Variants in DIP2C observed in about 807,000 individuals in gnomAD.
The protein encoded by DIP2C is disco-interacting protein 2 homolog C.
DIP2C carries 33 observed loss-of-function variants against 192.4 expected under a neutral mutation model. That is an observed-to-expected ratio of 0.17 (90% confidence interval 0.13 to 0.23). The LOEUF is 0.23. Among genes scored for constraint, DIP2C ranks in the 10% least tolerant of loss-of-function variants. The probability of loss-of-function intolerance (pLI) is 1.00; values close to 1 mark genes in which losing one functional copy is unlikely to be tolerated. For missense variants in DIP2C, 1,537 were observed against 2,110.1 expected, an observed-to-expected ratio of 0.73 and a Z score of 5.32; for synonymous variants, 979 against 864.1, an observed-to-expected ratio of 1.13 and a Z score of -2.33.
chr10:517,438 C>T (rs61831009), intron 1 of DIP2C, among the ~76,000 whole-genome samples: 12,646 of 152,192 alleles, frequency 0.083, 641 homozygotes, highest in East Asian at 0.18. Context: ...CCCGACGCTC[C>T]GCCCCACACT....
chr10:415,920 C>T (rs770732102), intron 6 of DIP2C, 32 bp from the exon 7 acceptor site: 25 of 1,612,606 alleles, frequency 1.6e-5, no homozygotes, highest in East Asian at 2.2e-5. Context: ...GTGGGGAAAG[C>T]GATCATCACA....
At chr10:538,778 A>G (rs1462317416) in intron 1 of DIP2C, among the ~76,000 whole-genome samples, 1 of 152,224 alleles carries the variant, frequency 6.6e-6, no homozygotes, top group African/African-American at 2.4e-5. Flanking sequence ...GTACCTATTA[A>G]TACTATCACA....
At chr10:610,254 C>T (rs1852991642) in intron 1 of DIP2C, among the ~76,000 whole-genome samples, 1 of 152,200 alleles carries the variant, frequency 6.6e-6, no homozygotes, top group Non-Finnish European at 1.5e-5. Context: ...TGAGCAGGAG[C>T]TGACAGCAGA....
At chr10:426,705 G>A (rs916466419) in intron 4 of DIP2C, among the ~76,000 whole-genome samples, 4 of 152,120 alleles carry the variant, frequency 2.6e-5, no homozygotes, top group Admixed American at 6.5e-5. Flanking sequence ...TTATATTTAC[G>A]GTCAATTTAT....
intron 1 of DIP2C, chr10:668,869 T>C (rs906534732): frequency 6.6e-6 from 1 of 152,236 alleles, no homozygotes; most frequent in African/African-American, 2.4e-5. Context: ...AACCCTTTTT[T>C]CATTTTACAC....
At chr10:515,641 C>G (rs973649261) in intron 1 of DIP2C, among the ~76,000 whole-genome samples, 15 of 152,138 alleles carry the variant, frequency 9.9e-5, no homozygotes, top group Admixed American at 6.6e-5. Flanking sequence ...GAAGAACTGC[C>G]TGAACCCGGG....
At chr10:590,835 G>C (rs532308327) in intron 1 of DIP2C, among the ~76,000 whole-genome samples, 1 of 149,162 alleles carries the variant, frequency 6.7e-6, no homozygotes, top group Non-Finnish European at 1.5e-5. Context: ...CACCGCACCA[G>C]AGCCTGCGAG....
At chr10:533,626 G>A (rs1371932077) in intron 1 of DIP2C, among the ~76,000 whole-genome samples, 2 of 146,788 alleles carry the variant, frequency 1.4e-5, no homozygotes, top group Non-Finnish European at 3.0e-5. Flanking sequence ...GCCTCCCCAT[G>A]CTCTTCCTAA....
At chr10:404,387 T>G (rs1964658637) in intron 9 of DIP2C, among the ~76,000 whole-genome samples, 1 of 152,166 alleles carries the variant, frequency 6.6e-6, no homozygotes, top group Non-Finnish European at 1.5e-5. Flanking sequence ...TTTTTTCTAT[T>G]TTTTGTAGAT....
intron 10 of DIP2C, among the ~76,000 whole-genome samples, chr10:394,758 G>A (rs1457126194): frequency 6.9e-6 from 1 of 145,266 alleles, no homozygotes; most frequent in East Asian, 2.1e-4. Flanking sequence ...AGGGAAGCCT[G>A]CCACATGCTG....
chr10:350,813 A>G (rs1024103529), intron 24 of DIP2C, among the ~76,000 whole-genome samples: 7 of 151,704 alleles, frequency 4.6e-5, no homozygotes, highest in Non-Finnish European at 8.8e-5. Context: ...CGCCCAACTA[A>G]TTTTTGTATT....
intron 1 of DIP2C, among the ~76,000 whole-genome samples, chr10:558,013 A>G (rs570171729): frequency 1.3e-5 from 2 of 152,258 alleles, no homozygotes; most frequent in African/African-American, 4.8e-5. Context: ...GACAGGGCGG[A>G]CACATGACAG....
chr10:459,867 T>A (rs977869521), intron 3 of DIP2C, among the ~76,000 whole-genome samples: 11 of 144,892 alleles, frequency 7.6e-5, no homozygotes, highest in African/African-American at 2.2e-4. Context: ...CCTCTCACAG[T>A]CACATCAGGG....
At chr10:597,253 GC>G (rs1851764543) in intron 1 of DIP2C, among the ~76,000 whole-genome samples, 1 of 152,314 alleles carries the variant, frequency 6.6e-6, no homozygotes, top group South Asian at 2.1e-4. Flanking sequence ...CGCTTCTCAA[GC>G]CTTTGAGCCA....
chr10:537,558 G>GC (rs561807032), intron 1 of DIP2C, among the ~76,000 whole-genome samples: 37 of 148,364 alleles, frequency 2.5e-4, no homozygotes, highest in East Asian at 6.0e-4. Flanking sequence ...CCAGCATCCT[G>GC]CCCCCCGTCC....
At chr10:423,722 G>A (rs186573874) in intron 4 of DIP2C, among the ~76,000 whole-genome samples, 7 of 151,504 alleles carry the variant, frequency 4.6e-5, no homozygotes, top group East Asian at 1.9e-4. Context: ...TTTCTACGTC[G>A]GTGTGTGTGT....
chr10:668,652 C>T (rs1221421468), intron 1 of DIP2C: 2 of 152,262 alleles, frequency 1.3e-5, no homozygotes, highest in East Asian at 3.8e-4. Context: ...ACACAACACG[C>T]TCATACAACA....
In DIP2C at chr10:399,222, G is replaced by A. The variant is rs762885324; in HGVS notation, c.1150-3C>T. The A allele has an allele frequency of 4.3e-6, 7 of 1,613,772 alleles. No individual in the cohort carries two copies. The highest frequency in any genetic ancestry group is 1.7e-5 in the Admixed American group (1 of 60,032). ...TTGTTGGGGAACACCAGTGCCACCT[G>A]TGGGACAGGCCAGAGCGGGTCAGCA... On this transcript the variant is annotated splice_region_variant and splice_polypyrimidine_tract_variant and intron_variant, in intron 9 of 36. Transcript: ENST00000280886.
At chr10:319,060 G>A (rs540275837) in intron 31 of DIP2C, among the ~76,000 whole-genome samples, 2 of 152,060 alleles carry the variant, frequency 1.3e-5, no homozygotes, top group African/African-American at 2.4e-5. Context: ...TTACAGATGC[G>A]TGCCAATGAA....
Sources: gnomAD v4.1 joint callset for allele counts (sites outside exome capture counted in the v4.1 genomes callset) on GRCh38, gnomAD v4.1.1 for gene constraint, MANE v1.5 for transcripts, NCBI Gene and HGNC (gene_info 2026-07-23, HGNC 2026-07-21) for gene names.